The following PLAG1 variants were observed in gnomAD, a reference collection of about 807,000 sequenced individuals.
PLAG1 encodes zinc finger protein PLAG1.
A neutral mutation model predicts 35.5 loss-of-function variants in PLAG1; 7 were observed. That is an observed-to-expected ratio of 0.20 (90% confidence interval 0.11 to 0.37). The LOEUF is 0.37. Among genes scored for constraint, PLAG1 ranks in the 10% least tolerant of loss-of-function variants. The pLI is 1.00. For synonymous variants in PLAG1, 229 were observed against 225.4 expected (o/e 1.02, Z -0.14); for missense variants, 454 against 602.8 (o/e 0.75, Z 2.58).
At chr8:56,175,927 T>C (rs1056952113) in intron 2 of PLAG1, among the ~76,000 whole-genome samples, 2 of 152,142 alleles carry the variant, frequency 1.3e-5, no homozygotes, top group African/African-American at 2.4e-5. Context: ...AGAAGGAGTA[T>C]CAAGTAAATT....
chr8:56,181,938 T>C (rs1018756391), intron 1 of PLAG1, among the ~76,000 whole-genome samples: 2 of 152,010 alleles, frequency 1.3e-5, no homozygotes, highest in Non-Finnish European at 2.9e-5. Context: ...AAGAAAAAAG[T>C]GTGTGTGTGG....
At chr8:56,177,381 C>A (rs1350144485) in intron 2 of PLAG1, among the ~76,000 whole-genome samples, 1 of 152,164 alleles carries the variant, frequency 6.6e-6, no homozygotes, top group East Asian at 1.9e-4. Flanking sequence ...GCAAAACCAT[C>A]ATGTCAAGGG....
At chr8:56,190,169 G>A (rs190146941) in intron 1 of PLAG1, among the ~76,000 whole-genome samples, 2 of 152,330 alleles carry the variant, frequency 1.3e-5, no homozygotes, top group Non-Finnish European at 2.9e-5. Context: ...GATACTGCAT[G>A]TAAGGCACAT....
intron 2 of PLAG1, chr8:56,177,944 G>C: frequency 1.8e-6 from 1 of 564,394 alleles, no homozygotes; most frequent in Non-Finnish European, 2.2e-6. Context: ...TCAAAAGCCA[G>C]GGAGTCTCAG....
In PLAG1 at chr8:56,162,853, C is replaced by A; in HGVS notation, c.*3390G>T. The stretch of plus-strand genomic sequence containing the variant: ...ATATATCACTATATTCCACAAATGA[C>A]TAAGAAAAATAAAGCACAAGCAACA... On this transcript the variant is annotated 3_prime_UTR_variant, in exon 5 of 5. Transcript: ENST00000316981. 4.6e-6 allele frequency: 1 copy of A among 215,904 alleles called. No homozygotes were observed. The highest frequency in any genetic ancestry group is 5.8e-5 in the Admixed American group (1 of 17,188). 13.4% of individuals were successfully genotyped at this position (215,904 alleles called of 1,614,324 possible).
intron 1 of PLAG1, among the ~76,000 whole-genome samples, chr8:56,199,583 C>A (rs929121309): frequency 6.6e-6 from 1 of 152,044 alleles, no homozygotes; most frequent in Non-Finnish European, 1.5e-5. Flanking sequence ...TGGGAAATTC[C>A]AAGATGGGAG....
intron 1 of PLAG1, among the ~76,000 whole-genome samples, chr8:56,194,647 G>A (rs1812304115): frequency 6.6e-6 from 1 of 151,736 alleles, no homozygotes; most frequent in African/African-American, 2.4e-5. Context: ...TGTGTGTGTG[G>A]CATGTGTGTA....
At chr8:56,170,603 T>C (rs1240519153) in intron 3 of PLAG1, among the ~76,000 whole-genome samples, 2 of 152,244 alleles carry the variant, frequency 1.3e-5, no homozygotes, top group Non-Finnish European at 2.9e-5. Context: ...TCTAAATCCC[T>C]GTATATAACT....
At chr8:56,169,830 C>T (rs916572394) in intron 3 of PLAG1, among the ~76,000 whole-genome samples, 4 of 152,168 alleles carry the variant, frequency 2.6e-5, no homozygotes, top group Admixed American at 1.3e-4. Context: ...AGGCGTGAGC[C>T]GCCACACCTG....
At chr8:56,205,918 G>A (rs986937023) in intron 1 of PLAG1, among the ~76,000 whole-genome samples, 1 of 151,878 alleles carries the variant, frequency 6.6e-6, no homozygotes, top group Non-Finnish European at 1.5e-5. Context: ...AGCACACACT[G>A]TGGTTAGTTT....
At position 56,162,432 on chromosome 8, in the gene PLAG1, A is replaced by G. The variant is rs1811229134; in HGVS notation, c.*3811T>C. On this transcript the variant is annotated 3_prime_UTR_variant, in exon 5 of 5. Transcript: ENST00000316981. ...TGATTCTGTGCAATATAGCAAATTG[A>G]TAAGAAAACACTGTAAAAATGTACC... 2 of 220,974 alleles carry G rather than the reference A, an allele frequency of 9.1e-6. No homozygotes were observed. The highest frequency in any genetic ancestry group is 2.2e-5 in the African/African-American group (1 of 44,646). The allele number at this position is 220,974 out of a possible 1,614,324, so 13.7% of individuals were successfully genotyped here.
chr8:56,178,566 G>A (rs903491773), intron 2 of PLAG1, among the ~76,000 whole-genome samples: 14 of 152,066 alleles, frequency 9.2e-5, no homozygotes, highest in East Asian at 3.9e-4. Context: ...CGATTAATTC[G>A]TGTACCTTTG....
chr8:56,196,117 C>T (rs932933544), intron 1 of PLAG1, among the ~76,000 whole-genome samples: 1 of 152,106 alleles, frequency 6.6e-6, no homozygotes, highest in Non-Finnish European at 1.5e-5. Context: ...AAGAGAACCC[C>T]TAGTAGAACG....
intron 1 of PLAG1, among the ~76,000 whole-genome samples, chr8:56,183,994 A>G (rs1185121077): frequency 2.6e-5 from 4 of 152,204 alleles, no homozygotes; most frequent in Non-Finnish European, 5.9e-5. Context: ...TTTCATCAAA[A>G]TGTAAAACTT....
chr8:56,206,788 A>G (rs775487929), intron 1 of PLAG1, among the ~76,000 whole-genome samples: 49 of 152,120 alleles, frequency 3.2e-4, no homozygotes, highest in African/African-American at 1.0e-3. Context: ...AAAGTATTCA[A>G]TGTTTCAGAA....
intron 1 of PLAG1, among the ~76,000 whole-genome samples, chr8:56,202,068 T>G (rs1369519005): frequency 2.6e-5 from 4 of 152,034 alleles, no homozygotes; most frequent in Non-Finnish European, 1.5e-5. Flanking sequence ...TCTGCTTTCT[T>G]ATTTGATCAA....
intron 1 of PLAG1, among the ~76,000 whole-genome samples, chr8:56,203,824 G>C (rs1414127713): frequency 6.6e-6 from 1 of 151,910 alleles, no homozygotes; most frequent in African/African-American, 2.4e-5. Context: ...CATTAGAAGA[G>C]AAAAATCTAG....
chr8:56,186,679 C>T (rs1420542001), intron 1 of PLAG1, among the ~76,000 whole-genome samples: 2 of 136,178 alleles, frequency 1.5e-5, no homozygotes, highest in South Asian at 2.3e-4. Flanking sequence ...AGCTGGTTAG[C>T]ATTAAAAAAA....
intron 1 of PLAG1, among the ~76,000 whole-genome samples, chr8:56,190,832 GA>G (rs1231188405): frequency 6.6e-6 from 1 of 152,072 alleles, no homozygotes; most frequent in African/African-American, 2.4e-5. Flanking sequence ...ACAGGGGGAG[GA>G]CACAGTAATT....
Sources: gnomAD v4.1 joint callset for allele counts (sites outside exome capture counted in the v4.1 genomes callset) on GRCh38, gnomAD v4.1.1 for gene constraint, MANE v1.5 for transcripts, NCBI Gene and HGNC (gene_info 2026-07-23, HGNC 2026-07-21) for gene names.